AMBRA1: variants seen among roughly 807,000 people sequenced by gnomAD.
The protein encoded by AMBRA1 is autophagy and beclin 1 regulator 1.
Under a neutral mutation model 125.4 loss-of-function variants are expected in AMBRA1, and 47 were observed. The ratio of observed to expected loss-of-function variants is 0.37; its 90% CI spans 0.30 to 0.48. AMBRA1 has a LOEUF of 0.48. Ranked by LOEUF, AMBRA1 falls within the 20% of genes least tolerant of loss-of-function variation. The pLI is 0.99. For synonymous variants in AMBRA1, 626 were observed against 655.5 expected, an observed-to-expected ratio of 0.95 and a Z score of 0.69; for missense variants, 1,331 against 1,693.4, an observed-to-expected ratio of 0.79 and a Z score of 3.76.
At chr11:46,571,475 G>C (rs2043753218) in intron 1 of AMBRA1, among the ~76,000 whole-genome samples, 1 of 151,966 alleles carries the variant, frequency 6.6e-6, no homozygotes, top group Non-Finnish European at 1.5e-5. Context: ...TAAAGTCCGA[G>C]ACCAGCCTGG....
intron 14 of AMBRA1, chr11:46,428,775 T>C (rs17004881): frequency 1.9e-6 from 3 of 1,611,172 alleles, no homozygotes; most frequent in Non-Finnish European, 2.5e-6. Context: ...CGTCTGTAGG[T>C]ATCTCTGTCA....
rs879462338 is a variant in AMBRA1, at chr11:46,548,992, C to CA, written c.-120-493dup. 1.7e-3 allele frequency: 239 copies of CA among 142,220 alleles called. 1 individual carries two copies. Among genetic ancestry groups the CA allele is most frequent in the Admixed American group, 5.5e-3 (77 of 14,116 alleles). 8.8% of individuals were successfully genotyped at this position (142,220 alleles called of 1,614,324 possible). On this transcript the variant is annotated intron_variant, in intron 1 of 17. Coordinates refer to ENST00000683756, the MANE Select transcript of AMBRA1 (RefSeq NM_001387011.1). ...TGGGCGACAGAGCAAGACTCCATCT[C>CA]AAAAAAAAAAAGATTATTTAGGAGT...
At chr11:46,523,074 G>T (rs1307251391) in intron 7 of AMBRA1, among the ~76,000 whole-genome samples, 1 of 152,208 alleles carries the variant, frequency 6.6e-6, no homozygotes, top group African/African-American at 2.4e-5. Flanking sequence ...TCCATGGAAT[G>T]AGGTTTCTAG....
intron 11 of AMBRA1, among the ~76,000 whole-genome samples, chr11:46,489,808 T>C (rs936889118): frequency 6.6e-6 from 1 of 152,166 alleles, no homozygotes; most frequent in Non-Finnish European, 1.5e-5. Context: ...GCCTCAAACA[T>C]GCAGAAAAAT....
chr11:46,539,284 G>A (rs910605875), intron 7 of AMBRA1, among the ~76,000 whole-genome samples: 2 of 152,098 alleles, frequency 1.3e-5, no homozygotes, highest in Non-Finnish European at 2.9e-5. Context: ...TCGGCCAGGC[G>A]CAGTGGCTCA....
intron 1 of AMBRA1, among the ~76,000 whole-genome samples, chr11:46,587,006 A>G (rs919643243): frequency 2.0e-5 from 3 of 152,240 alleles, no homozygotes; most frequent in African/African-American, 7.2e-5. Flanking sequence ...ATAGGTATAT[A>G]TACCTGTGAT....
intron 15 of AMBRA1, among the ~76,000 whole-genome samples, chr11:46,412,232 T>C (rs1202897125): frequency 6.6e-6 from 1 of 152,202 alleles, no homozygotes; most frequent in African/African-American, 2.4e-5. Context: ...CCATATCCTT[T>C]TGTATACTTA....
At chr11:46,445,161 G>A (rs1287637953) in intron 11 of AMBRA1, among the ~76,000 whole-genome samples, 1 of 151,934 alleles carries the variant, frequency 6.6e-6, no homozygotes, top group Non-Finnish European at 1.5e-5. Flanking sequence ...TTGTATCTGT[G>A]ATATTAAAAT....
intron 11 of AMBRA1, among the ~76,000 whole-genome samples, chr11:46,468,591 G>A (rs1167822941): frequency 6.6e-6 from 1 of 151,434 alleles, no homozygotes; most frequent in African/African-American, 2.4e-5. Flanking sequence ...AAGGTCAGGA[G>A]ATCGAGACCA....
At chr11:46,398,573 C>T (rs1277494694) in intron 17 of AMBRA1, among the ~76,000 whole-genome samples, 1 of 152,056 alleles carries the variant, frequency 6.6e-6, no homozygotes, top group African/African-American at 2.4e-5. Flanking sequence ...CAAGCTCTAC[C>T]TCCTGGGTTC....
At chr11:46,557,544 A>C (rs2043195644) in intron 1 of AMBRA1, among the ~76,000 whole-genome samples, 1 of 151,462 alleles carries the variant, frequency 6.6e-6, no homozygotes, top group Non-Finnish European at 1.5e-5. Flanking sequence ...ACAGTGGCTC[A>C]CACCTGTAAT....
At chr11:46,545,163 G>GC (rs202150389) in intron 5 of AMBRA1, among the ~76,000 whole-genome samples, 5 of 60,876 alleles carry the variant, frequency 8.2e-5, no homozygotes, top group Non-Finnish European at 1.5e-4. Context: ...AAAAAAGCCG[G>GC]GGGGGGGGGG....
At chr11:46,577,562 T>A (rs1215198045) in intron 1 of AMBRA1, among the ~76,000 whole-genome samples, 2 of 152,118 alleles carry the variant, frequency 1.3e-5, no homozygotes, top group African/African-American at 4.8e-5. Flanking sequence ...GTGAATGTAC[T>A]TAAATGCCAC....
intron 14 of AMBRA1, among the ~76,000 whole-genome samples, chr11:46,430,535 T>C (rs564387655): frequency 1.3e-5 from 2 of 152,238 alleles, no homozygotes; most frequent in South Asian, 2.1e-4. Flanking sequence ...TGAGAAGCAC[T>C]GATCCAGAAG....
In AMBRA1 at chr11:46,424,381, G is replaced by A. The variant is rs564147822; in HGVS notation, c.2977-6329C>T. 2.9e-4 allele frequency among the ~76,000 whole-genome samples: 44 copies of A among 152,100 alleles called. No individual in the cohort carries two copies. In the South Asian group the frequency reaches 9.1e-3, roughly 32 times the overall value. On this transcript the variant is annotated intron_variant, in intron 14 of 17. Transcript: ENST00000683756. The stretch of plus-strand genomic sequence containing the variant: ...AACTTTGTCTTATTCATTTGTTCCT[G>A]AAGGAGACCCCAAAGACAGTCAGAG...
In AMBRA1 at chr11:46,548,227, A is replaced by C. The variant is rs764223244; in HGVS notation, c.135+19T>G. On this transcript the variant is annotated intron_variant, in intron 2 of 17. Coordinates refer to ENST00000683756, the MANE Select transcript of AMBRA1 (RefSeq NM_001387011.1). ...ATCACCAGCACAAATCCTATGTGAA[A>C]TATAGCCATTTTCCTTACCTTGCCC... is the stretch of plus-strand genomic sequence containing the variant. 1 of 1,614,046 alleles carries C rather than the reference A, an allele frequency of 6.2e-7. No homozygotes were observed. The highest frequency in any genetic ancestry group is 8.5e-7 in the Non-Finnish European group (1 of 1,180,014).
At chr11:46,513,187 CTTG>C (rs1005284607) in intron 7 of AMBRA1, among the ~76,000 whole-genome samples, 6 of 151,636 alleles carry the variant, frequency 4.0e-5, no homozygotes, top group Non-Finnish European at 2.9e-5. Flanking sequence ...TAACATTTAT[CTTG>C]TTGTTTGGTT....
chr11:46,445,071 C>CAAAAAAAAAA (rs11386442), intron 11 of AMBRA1, among the ~76,000 whole-genome samples: 4 of 89,802 alleles, frequency 4.5e-5, no homozygotes, highest in East Asian at 2.9e-4. Context: ...AAAAGAAAAA[C>CAAAAAAAAAA]AAAAAAAAAA....
At chr11:46,492,642 C>G (rs796707099) in intron 11 of AMBRA1, among the ~76,000 whole-genome samples, 16 of 152,254 alleles carry the variant, frequency 1.1e-4, no homozygotes, top group African/African-American at 3.9e-4. Context: ...TGGAATTCTG[C>G]TTTACTTCCT....
Sources: allele counts gnomAD v4.1 joint callset (sites outside exome capture counted in the v4.1 genomes callset), GRCh38; gene constraint gnomAD v4.1.1; transcripts MANE v1.5; gene names NCBI Gene and HGNC (gene_info 2026-07-23, HGNC 2026-07-21).